The following STAT3 variants were observed in gnomAD, a reference collection of about 807,000 sequenced individuals.
STAT3 encodes signal transducer and activator of transcription 3.
Under a neutral mutation model 114.3 loss-of-function variants are expected in STAT3, and 7 were observed. That is an observed-to-expected ratio of 0.06 (90% CI 0.03 to 0.11). The LOEUF (loss-of-function observed/expected upper bound fraction) is 0.11, where lower values mean the gene tolerates loss of function less well. Ranked by LOEUF, STAT3 falls within the 10% of genes least tolerant of loss-of-function variation. STAT3 has a pLI of 1.00. For missense variants in STAT3, 364 were observed against 960.9 expected (o/e 0.38, Z 8.21); for synonymous variants, 331 against 354.5 (o/e 0.93, Z 0.74).
At chr17:42,343,319 C>T (rs2082534211) in intron 4 of STAT3, among the ~76,000 whole-genome samples, 1 of 151,968 alleles carries the variant, frequency 6.6e-6, no homozygotes, top group Admixed American at 6.6e-5. Flanking sequence ...TAAAACCCCT[C>T]ACAGAAAGTA....
intron 4 of STAT3, among the ~76,000 whole-genome samples, chr17:42,342,738 C>T (rs961515917): frequency 3.3e-5 from 5 of 152,008 alleles, no homozygotes; most frequent in Admixed American, 2.6e-4. Context: ...GGGTTCAAAC[C>T]GAAGCAGTTG....
intron 15 of STAT3, 130 bp downstream of exon 15, chr17:42,325,982 AAAGT>A (rs2081700651): frequency 1.2e-6 from 1 of 866,232 alleles, no homozygotes; most frequent in Non-Finnish European, 1.9e-6. Flanking sequence ...TTTTTGGAGA[AAAGT>A]AAGCAAAAAT....
chr17:42,382,121 G>A (rs1302211192), intron 1 of STAT3, among the ~76,000 whole-genome samples: 2 of 152,064 alleles, frequency 1.3e-5, no homozygotes, highest in Non-Finnish European at 1.5e-5. Context: ...ACGCAACTTC[G>A]TGGAAAGAAT....
chr17:42,345,220 G>A (rs554580358), intron 4 of STAT3, among the ~76,000 whole-genome samples: 8 of 151,344 alleles, frequency 5.3e-5, no homozygotes, highest in East Asian at 2.0e-4. Flanking sequence ...AGCCAAGATC[G>A]CGCCATTGCA....
intron 1 of STAT3, among the ~76,000 whole-genome samples, chr17:42,369,262 G>A (rs931836846): frequency 1.3e-5 from 2 of 152,160 alleles, no homozygotes; most frequent in Admixed American, 6.6e-5. Context: ...GGAGGCTGAG[G>A]CAGAGAATTG....
chr17:42,384,668 C>A (rs1001437982), intron 1 of STAT3, among the ~76,000 whole-genome samples: 5 of 152,012 alleles, frequency 3.3e-5, no homozygotes, highest in African/African-American at 1.2e-4. Context: ...GATCCTCCCA[C>A]CTTAGTCTCA....
chr17:42,348,403 A>G lies in STAT3; in HGVS notation c.114T>C (p.Ile38=). The G allele has an allele frequency of 1.2e-6, 2 of 1,614,140 alleles. No homozygotes were observed. The highest frequency in any genetic ancestry group is 2.2e-5 in the South Asian group (2 of 91,086). Residue 38 remains isoleucine, a synonymous_variant, in exon 2 of 24, where the codon ATT becomes ATC. Coordinates refer to ENST00000264657, the MANE Select transcript of STAT3 (RefSeq NM_139276.3). ...MELRQFLAPW[I]ESQDWAYAAS... is the part of the protein sequence containing the mutation. ...GAAGGACTTACCAATCTTGACTCTC[A>G]ATCCAAGGGGCCAGAAACTGCCGCA...
At chr17:42,328,758 C>T (rs970720896) in intron 14 of STAT3, among the ~76,000 whole-genome samples, 1 of 152,126 alleles carries the variant, frequency 6.6e-6, no homozygotes, top group Non-Finnish European at 1.5e-5. Flanking sequence ...AGAAAAAGAA[C>T]GGGGCATCAC....
chr17:42,383,007 C>T (rs2084888887), intron 1 of STAT3, among the ~76,000 whole-genome samples: 2 of 152,008 alleles, frequency 1.3e-5, no homozygotes, highest in South Asian at 4.1e-4. Context: ...ATTCATTCTT[C>T]CATATGTTAT....
At chr17:42,382,676 C>CCACTCTGTT (rs2084866836) in intron 1 of STAT3, among the ~76,000 whole-genome samples, 1 of 151,386 alleles carries the variant, frequency 6.6e-6, no homozygotes, top group African/African-American at 2.4e-5. Context: ...AGATGGAGTC[C>CCACTCTGTT]CACTCTGTTG....
intron 1 of STAT3, among the ~76,000 whole-genome samples, chr17:42,350,322 C>A (rs557446416): frequency 6.6e-6 from 1 of 152,138 alleles, no homozygotes; most frequent in African/African-American, 2.4e-5. Flanking sequence ...GCAAATGTAA[C>A]GGAATGAAAG....
In STAT3 at chr17:42,383,488, C is replaced by T. The variant is rs193005743; in HGVS notation, c.-24+4791G>A. On this transcript the variant is annotated intron_variant, in intron 1 of 23. Transcript: ENST00000264657. ...AAAGTGCTGGGATTATAGGCATGAG[C>T]CACTGCTCCTGGCCCGATATGCTAC... is the stretch of plus-strand genomic sequence containing the variant. 2.0e-5 allele frequency among the ~76,000 whole-genome samples: 3 copies of T among 152,242 alleles called. No individual in the cohort carries two copies. The East Asian group carries it at 5.8e-4, about 29-fold the overall frequency.
Position 42,315,549 on chromosome 17 carries a change from A to G in STAT3, c.*196T>C. On this transcript the variant is annotated 3_prime_UTR_variant, in exon 24 of 24. Transcript: ENST00000264657. ...CTTATTTGCATTTAGATAAAAGCAG[A>G]TCACCCACATTCACTCATTTCTCTA... The G allele has an allele frequency of 7.7e-6, 5 of 645,620 alleles. No individual in the cohort carries two copies. The highest frequency in any genetic ancestry group is 1.4e-5 in the Non-Finnish European group (5 of 361,474). 40.0% of individuals were successfully genotyped at this position (645,620 alleles called of 1,614,324 possible). A position where few individuals can be genotyped will look rare whatever the true frequency, so the allele number is the denominator to read the frequency against.
chr17:42,374,284 G>C (rs1355396222), intron 1 of STAT3: 2 of 152,206 alleles, frequency 1.3e-5, no homozygotes, highest in Non-Finnish European at 2.9e-5. Context: ...GATAGCCCAT[G>C]ATCTAAATTC....
intron 1 of STAT3, among the ~76,000 whole-genome samples, chr17:42,362,697 T>C (rs1035406325): frequency 6.6e-6 from 1 of 152,226 alleles, no homozygotes; most frequent in African/African-American, 2.4e-5. Context: ...ACAGGGTTGC[T>C]GTACAAATTC....
At chr17:42,317,903 C>G (rs1206996819) in intron 21 of STAT3, among the ~76,000 whole-genome samples, 1 of 152,182 alleles carries the variant, frequency 6.6e-6, no homozygotes, top group Non-Finnish European at 1.5e-5. Flanking sequence ...CCAGGTACAT[C>G]TTCAATAGCT....
chr17:42,317,125 C>T, intron 22 of STAT3, 57 bp downstream of exon 22: 1 of 1,611,870 alleles, frequency 6.2e-7, no homozygotes, highest in Non-Finnish European at 8.5e-7. Flanking sequence ...GTCCCATTCC[C>T]AGGGATAACT....
chr17:42,316,873 G>A lies in STAT3; in HGVS notation c.2173C>T (p.Pro725Ser), dbSNP rs2144618270. 1 of 1,613,176 alleles carries A rather than the reference G, an allele frequency of 6.2e-7. No individual in the cohort carries two copies. Among genetic ancestry groups the A allele is most frequent in the Non-Finnish European group, 8.5e-7 (1 of 1,179,884 alleles). The change falls in exon 23 of 24, where the codon CCG (proline) becomes TCG (serine). Residue 725 changes from proline to serine, a missense_variant. This residue lies in a region of STAT3 where 37 missense variants were observed against 66.5 expected (regional missense o/e 0.56). Coordinates refer to ENST00000264657, the MANE Select transcript of STAT3 (RefSeq NM_139276.3). ...PTTCSNTIDL[P>S]MSPRTLDSLM... ...GAATCTAAAGTGCGGGGGGACATCG[G>A]CAGGTCAATGGTATTGCTGCAGGTC...
intron 4 of STAT3, among the ~76,000 whole-genome samples, chr17:42,342,066 C>G (rs2082463994): frequency 6.6e-6 from 1 of 152,134 alleles, no homozygotes; most frequent in Admixed American, 6.6e-5. Flanking sequence ...TTTTCCACAG[C>G]AGAAAATCCT....
Sources: gnomAD v4.1 joint callset for allele counts (sites outside exome capture counted in the v4.1 genomes callset) on GRCh38, gnomAD v4.1.1 for gene constraint, gnomAD v4.1.1 regional missense constraint, MANE v1.5 for transcripts, NCBI Gene and HGNC (gene_info 2026-07-23, HGNC 2026-07-21) for gene names.